TNS1: variants seen among roughly 807,000 people sequenced by gnomAD.
TNS1 encodes tensin 1, also known as tensin-1.
In TNS1, 62 loss-of-function variants were observed where a neutral mutation model predicts 168.6. The observed-to-expected ratio is 0.37, with a 90% CI of 0.30 to 0.45. TNS1 has a LOEUF of 0.45. Among genes scored for constraint, TNS1 ranks in the 20% least tolerant of loss-of-function variants. The pLI, the probability that TNS1 is intolerant of heterozygous loss-of-function variation, is 1.00. For synonymous variants in TNS1, 934 were observed against 933.2 expected (o/e 1.00, Z -0.02); for missense variants, 2,240 against 2,339.4 (o/e 0.96, Z 0.88).
At chr2:217,963,363 C>T (rs549825878) in intron 3 of TNS1, among the ~76,000 whole-genome samples, 16 of 152,208 alleles carry the variant, frequency 1.1e-4, no homozygotes, top group South Asian at 4.2e-4. Flanking sequence ...ACCATGCCAC[C>T]GCCACCACAC....
intron 3 of TNS1, among the ~76,000 whole-genome samples, chr2:217,974,530 C>T (rs1173736368): frequency 6.6e-6 from 1 of 152,156 alleles, no homozygotes; most frequent in African/African-American, 2.4e-5. Context: ...CTCAACCTTC[C>T]GATGGGCAAT....
In TNS1 at chr2:217,880,799, G is replaced by T; in HGVS notation, c.1429+99C>A. 1.1e-6 allele frequency: 1 copy of T among 918,050 alleles called. No homozygotes were observed. The highest frequency in any genetic ancestry group is 1.8e-6 in the Non-Finnish European group (1 of 571,246). 56.9% of individuals were successfully genotyped at this position (918,050 alleles called of 1,614,324 possible). On this transcript the variant is annotated intron_variant, in intron 18 of 32. Transcript: ENST00000682258. This position sits in a 1 kb window ranked among gnomAD's most constrained non-coding sequence, Gnocchi z 4.2. ...TCACACTTCCCCTCTGCCTCCTCTC[G>T]AACCCAGATCTCTTGAAAGCAGGCC...
At position 217,966,998 on chromosome 2, in the gene TNS1, T is replaced by A. The variant is rs1575144995; in HGVS notation, c.186+11767A>T. On this transcript the variant is annotated intron_variant, in intron 3 of 32. Coordinates refer to ENST00000682258, the MANE Select transcript of TNS1 (RefSeq NM_001387777.1). ...AGGATTAAATGAGAAGAGTGTCACG[T>A]AGTCACCATGCAGGGGATACTTAAT... is the stretch of plus-strand genomic sequence containing the variant. Among the ~76,000 whole-genome samples, 3 of 152,330 alleles carry A rather than the reference T, an allele frequency of 2.0e-5. No individual in the cohort carries two copies. The East Asian group carries it at 5.8e-4, about 29-fold the overall frequency.
At chr2:217,927,755 C>T (rs1575098831) in intron 3 of TNS1, among the ~76,000 whole-genome samples, 1 of 152,296 alleles carries the variant, frequency 6.6e-6, no homozygotes, top group African/African-American at 2.4e-5. Context: ...GGGAGGGTGC[C>T]ACTACCCACT....
Position 217,848,163 on chromosome 2 carries a change from GGCTGCT to G in TNS1, c.2348_2353del (p.Gln783_Gln784del), listed in dbSNP as rs3839056. The G allele has an allele frequency of 1.3e-5, 20 of 1,501,534 alleles. No individual in the cohort carries two copies. The highest frequency in any genetic ancestry group is 2.5e-5 in the South Asian group (2 of 81,208). 93.0% of individuals were successfully genotyped at this position (1,501,534 alleles called of 1,614,324 possible). A position where few individuals can be genotyped will look rare whatever the true frequency, so the allele number is the denominator to read the frequency against. ...TTCCTGCTGGCGTGGAGGTGGGCGA[GGCTGCT>G]GCTGCTGCTGCTGCTGCTGCTGCCA... On this transcript the variant is annotated inframe_deletion, in exon 19 of 33. Transcript: ENST00000682258.
intron 1 of TNS1, among the ~76,000 whole-genome samples, chr2:217,998,899 G>A (rs1314912506): frequency 6.6e-6 from 1 of 152,152 alleles, no homozygotes; most frequent in African/African-American, 2.4e-5. Flanking sequence ...ATCCCCCAGA[G>A]GTTCCCTCTT....
At position 217,875,448 on chromosome 2, in the gene TNS1, G is replaced by T. The variant is rs138808114; in HGVS notation, c.1429+5450C>A. On this transcript the variant is annotated intron_variant, in intron 18 of 32. Coordinates refer to ENST00000682258, the MANE Select transcript of TNS1 (RefSeq NM_001387777.1). The stretch of plus-strand genomic sequence containing the variant: ...ATGCTTGAGCTCAAAGAAATGGAAA[G>T]AAATACTATCTACTCCAGCCCTCAC... 4.4e-3 allele frequency among the ~76,000 whole-genome samples: 676 copies of T among 152,236 alleles called. 3 individuals carry two copies. The highest frequency in any genetic ancestry group is 0.011 in the Admixed American group (165 of 15,284).
At chr2:217,908,409 G>A (rs763835805) in intron 4 of TNS1, among the ~76,000 whole-genome samples, 1 of 152,150 alleles carries the variant, frequency 6.6e-6, no homozygotes, top group African/African-American at 2.4e-5. Context: ...AGAAAGGCCT[G>A]AGCACAACTG....
intron 6 of TNS1, among the ~76,000 whole-genome samples, chr2:217,906,012 G>A (rs904188299): frequency 3.3e-5 from 5 of 152,158 alleles, no homozygotes; most frequent in South Asian, 2.1e-4. Flanking sequence ...CTCAGCCCTC[G>A]GTTTCCCTTG....
chr2:217,813,229 T>C lies in TNS1; in HGVS notation c.4940A>G (p.Asn1647Ser), dbSNP rs375433855. ...GGACAGCTCACCGAAGTTTGGCTCATTGGGGCAGCCCTTGAGCTTGACTCC... is the reference window on the plus strand; with the variant it reads ...GGACAGCTCACCGAAGTTTGGCTCACTGGGGCAGCCCTTGAGCTTGACTCC... ...PRGVKLKGCP[N>S]EPNFGSLSAL... Residue 1647 changes from asparagine (N) to serine (S), a missense_variant, in exon 27 of 33, where the codon AAT becomes AGT. Asn to Ser is a conservative substitution (Grantham distance 46, BLOSUM62 1). Transcript: ENST00000682258. The surrounding 1 kb of genome is among the most constrained non-coding windows in gnomAD (Gnocchi z 4.0). 2.4e-5 allele frequency: 39 copies of C among 1,603,360 alleles called. No individual in the cohort carries two copies. Among genetic ancestry groups the C allele is most frequent in the Admixed American group, 1.2e-4 (7 of 58,998 alleles).
At chr2:217,954,591 G>A (rs1423179561) in intron 3 of TNS1, among the ~76,000 whole-genome samples, 2 of 152,170 alleles carry the variant, frequency 1.3e-5, no homozygotes, top group Non-Finnish European at 2.9e-5. Context: ...ATCAAGGCAG[G>A]AGTTGGACTC....
intron 22 of TNS1, among the ~76,000 whole-genome samples, chr2:217,824,966 C>T (rs566798967): frequency 8.1e-4 from 124 of 152,290 alleles, no homozygotes; most frequent in African/African-American, 2.8e-3. Context: ...TCTGCATGTG[C>T]TCCACAAAGT....
intron 12 of TNS1, among the ~76,000 whole-genome samples, chr2:217,887,154 G>A (rs1214094699): frequency 1.3e-5 from 2 of 152,196 alleles, no homozygotes; most frequent in African/African-American, 4.8e-5. Flanking sequence ...AGCAAATAGT[G>A]AGCAAGACTT....
At chr2:217,991,938 GC>G (rs1958376887) in intron 1 of TNS1, among the ~76,000 whole-genome samples, 4 of 152,076 alleles carry the variant, frequency 2.6e-5, no homozygotes, top group Non-Finnish European at 4.4e-5. Context: ...CTTCCTCTGA[GC>G]CTGACTTACC....
chr2:217,955,183 T>C lies in TNS1; in HGVS notation c.186+23582A>G, dbSNP rs181628510. Among the ~76,000 whole-genome samples, 452 of 152,312 alleles carry C rather than the reference T, an allele frequency of 3.0e-3. 2 individuals carry two copies. The highest frequency in any genetic ancestry group is 0.01 in the African/African-American group (436 of 41,570). On this transcript the variant is annotated intron_variant, in intron 3 of 32. Coordinates refer to ENST00000682258, the MANE Select transcript of TNS1 (RefSeq NM_001387777.1). ...GTGGCTCCAGGCATCCTCAGCACGTTCCAGCCTCAGTGTCTCACCCCCGTG... is the reference window on the plus strand; with the variant it reads ...GTGGCTCCAGGCATCCTCAGCACGTCCCAGCCTCAGTGTCTCACCCCCGTG...
At chr2:217,964,278 A>G (rs193181174) in intron 3 of TNS1, among the ~76,000 whole-genome samples, 22 of 152,334 alleles carry the variant, frequency 1.4e-4, no homozygotes, top group Admixed American at 4.6e-4. Flanking sequence ...CAATCATCTT[A>G]TGAAGCAAGA....
intron 1 of TNS1, among the ~76,000 whole-genome samples, chr2:218,031,127 TG>T (rs1958891143): frequency 1.3e-5 from 1 of 78,920 alleles, no homozygotes; most frequent in Non-Finnish European, 2.2e-5. Context: ...TGAGCATGTC[TG>T]TGTGTGTGTG....
chr2:217,935,785 T>A, intron 3 of TNS1, among the ~76,000 whole-genome samples: 1 of 152,240 alleles, frequency 6.6e-6, no homozygotes, highest in African/African-American at 2.4e-5. Context: ...ACAGCCTGCA[T>A]GCCAGACCCG....
chr2:217,888,696 T>G (rs1243782938), intron 12 of TNS1, among the ~76,000 whole-genome samples: 1 of 152,190 alleles, frequency 6.6e-6, no homozygotes, highest in Non-Finnish European at 1.5e-5. Context: ...CTTGACCCTC[T>G]CTCTTCTCTT....
Sources: gnomAD v4.1 joint callset for allele counts (sites outside exome capture counted in the v4.1 genomes callset) on GRCh38, gnomAD v4.1.1 for gene constraint, Gnocchi (gnomAD v3.1) non-coding constraint, MANE v1.5 for transcripts, NCBI Gene and HGNC (gene_info 2026-07-23, HGNC 2026-07-21) for gene names.